Variants in SNX20 observed in about 807,000 individuals in gnomAD.
The protein encoded by SNX20 is sorting nexin 20.
A neutral mutation model predicts 24.5 loss-of-function variants in SNX20; 21 were observed. That is an observed-to-expected ratio of 0.86 (90% CI 0.61 to 1.23). The LOEUF (loss-of-function observed/expected upper bound fraction) is 1.23, where lower values mean the gene tolerates loss of function less well. SNX20 is among the 50% of genes most tolerant of loss of function. SNX20 has a pLI of 0.00. For synonymous variants in SNX20, 206 were observed against 192.8 expected, an observed-to-expected ratio of 1.07 and a Z score of -0.57; for missense variants, 433 against 430.8, an observed-to-expected ratio of 1.00 and a Z score of -0.04.
At position 50,673,294 on chromosome 16, in the gene SNX20, G is replaced by C. The variant is rs1963091658; in HGVS notation, c.*112C>G. On this transcript the variant is annotated 3_prime_UTR_variant, in exon 4 of 4. Coordinates refer to ENST00000330943, the MANE Select transcript of SNX20 (RefSeq NM_182854.4). The surrounding 1 kb of genome is among the most constrained non-coding windows in gnomAD (Gnocchi z 4.1). ...TCAGTCTGGGTGACAGAGCAAGACT[G>C]TCTCAAATAACAAAAAAGAAAAGGA... 2 of 1,389,284 alleles carry C rather than the reference G, an allele frequency of 1.4e-6. No homozygotes were observed. The highest frequency in any genetic ancestry group is 3.5e-5 in the South Asian group (2 of 57,840). The allele number at this position is 1,389,284 out of a possible 1,614,324, so 86.1% of individuals were successfully genotyped here. A position where few individuals can be genotyped will look rare whatever the true frequency, so the allele number is the denominator to read the frequency against.
chr16:50,673,591 G>T lies in SNX20; in HGVS notation c.766C>A (p.Arg256Ser). ...AFAAGERALQ[R>S]LQAREGHRYY... ...CGATGGCCCTCCCGGGCCTGCAGGCGCTGCAGGGCCCTCTCTCCGGCCGCG... is the reference window on the plus strand; with the variant it reads ...CGATGGCCCTCCCGGGCCTGCAGGCTCTGCAGGGCCCTCTCTCCGGCCGCG... The change falls in exon 4 of 4, where the codon CGC becomes AGC. Residue 256 changes from arginine to serine, a missense_variant. Coordinates refer to ENST00000330943, the MANE Select transcript of SNX20 (RefSeq NM_182854.4). The surrounding 1 kb of genome is among the most constrained non-coding windows in gnomAD (Gnocchi z 4.1). The T allele has an allele frequency of 6.3e-7, 1 of 1,589,032 alleles. No homozygotes were observed. The highest frequency in any genetic ancestry group is 2.3e-5 in the East Asian group (1 of 43,434).
downstream of SNX20, chr16:50,668,184 C>T (rs1309867461): frequency 6.6e-7 from 1 of 1,515,610 alleles, no homozygotes; most frequent in Non-Finnish European, 8.8e-7. Flanking sequence ...GGGCAAGACC[C>T]CAGATGGTCT....
chr16:50,668,697 T>A, downstream of SNX20: 1 of 1,065,744 alleles, frequency 9.4e-7, no homozygotes, highest in Non-Finnish European at 1.1e-6. Context: ...AGGAAGCATT[T>A]GGAGACGTGG....
chr16:50,667,791 A>G, downstream of SNX20: 1 of 592,980 alleles, frequency 1.7e-6, no homozygotes, highest in Middle Eastern at 4.5e-4. Flanking sequence ...GAGGGGCCAC[A>G]GTCTGCCCTG....
At chr16:50,674,890 C>CA (rs1567370076) in intron 3 of SNX20, among the ~76,000 whole-genome samples, 1 of 152,178 alleles carries the variant, frequency 6.6e-6, no homozygotes. Flanking sequence ...ATAACCCATG[C>CA]ATCTGACTCC....
chr16:50,679,260 G>A (rs1963246310), intron 1 of SNX20, among the ~76,000 whole-genome samples: 1 of 152,212 alleles, frequency 6.6e-6, no homozygotes, highest in Non-Finnish European at 1.5e-5. Context: ...CACCCCCTGA[G>A]CACAGATGGG....
intron 3 of SNX20, among the ~76,000 whole-genome samples, chr16:50,674,760 C>G (rs372342603): frequency 2.0e-5 from 3 of 152,278 alleles, no homozygotes; most frequent in East Asian, 1.9e-4. Context: ...ATTAGTTTTA[C>G]GTACAATATA....
chr16:50,677,282 C>T, intron 2 of SNX20, 115 bp downstream of exon 2: 1 of 1,363,710 alleles, frequency 7.3e-7, no homozygotes, highest in Non-Finnish European at 9.7e-7. Flanking sequence ...TTTGGGATAA[C>T]CCAAGTTACA....
At chr16:50,679,682 T>C (rs1963255634) in intron 1 of SNX20, among the ~76,000 whole-genome samples, 2 of 152,190 alleles carry the variant, frequency 1.3e-5, no homozygotes. Context: ...AGGCTTCAGT[T>C]TCCCTACCTG....
chr16:50,668,667 G>T (rs112408062), downstream of SNX20: 76 of 1,039,474 alleles, frequency 7.3e-5, no homozygotes, highest in Non-Finnish European at 8.3e-5. Flanking sequence ...GCAGCTAAAT[G>T]CAGTTGCTGC....
rs940726034 is a variant in SNX20 at position 50,673,746 on chromosome 16, G to A, written c.611C>T (p.Ala204Val). ...CAGCACGCGCAGCAGCAGCTCCAGG[G>A]CGCGCGGGTACTGGCCGGCCCGCAG... ...GCLRAGQYPR[A>V]LELLLRVLPL... Residue 204 changes from alanine to valine, a missense_variant, in exon 4 of 4, where the codon GCC becomes GTC. By Grantham distance (64) the Ala-to-Val change is moderately conservative. Transcript: ENST00000330943. The surrounding 1 kb of genome is among the most constrained non-coding windows in gnomAD (Gnocchi z 4.1). 6.6e-7 allele frequency: 1 copy of A among 1,509,464 alleles called. No individual in the cohort carries two copies. The highest frequency in any genetic ancestry group is 8.8e-7 in the Non-Finnish European group (1 of 1,136,070). 93.5% of individuals were successfully genotyped at this position (1,509,464 alleles called of 1,614,324 possible). A position where few individuals can be genotyped will look rare whatever the true frequency, so the allele number is the denominator to read the frequency against.
Position 50,673,885 on chromosome 16 carries a change from G to A in SNX20, c.472C>T (p.Arg158Trp), listed in dbSNP as rs776272427. The A allele has an allele frequency of 2.7e-5, 43 of 1,608,968 alleles. No individual in the cohort carries two copies. In the Middle Eastern group the frequency reaches 2.5e-3, roughly 93 times the overall value. ...CCCAGGTACTCCTGCAGGGCGCGCCGACGCTCACAGATCATCTCCTCAGCG... is the reference window on the plus strand; with the variant it reads ...CCCAGGTACTCCTGCAGGGCGCGCCAACGCTCACAGATCATCTCCTCAGCG... ...NFAEEMICER[R>W]RALQEYLGLL... The change falls in exon 4 of 4, where the codon CGG becomes TGG. Residue 158 changes from arginine to tryptophan, a missense_variant. Coordinates refer to ENST00000330943, the MANE Select transcript of SNX20 (RefSeq NM_182854.4). The surrounding 1 kb of genome is among the most constrained non-coding windows in gnomAD (Gnocchi z 4.1).
At chr16:50,667,355 C>G (rs1029356087), downstream of SNX20, 2 of 153,884 alleles carry the variant, frequency 1.3e-5, no homozygotes, top group African/African-American at 4.8e-5. Context: ...ACCTCTTTGC[C>G]TAAAATTCTC....
chr16:50,680,595 C>T (rs1228317342), intron 1 of SNX20, among the ~76,000 whole-genome samples: 1 of 152,140 alleles, frequency 6.6e-6, no homozygotes, highest in Non-Finnish European at 1.5e-5. Context: ...GGGGATGAGC[C>T]TCTAGGGGGT....
At chr16:50,675,695 GC>G in intron 3 of SNX20, 74 bp downstream of exon 3, 2 of 1,560,114 alleles carry the variant, frequency 1.3e-6, no homozygotes, top group Admixed American at 4.1e-5. Context: ...GAAACCTGAG[GC>G]TCTACAAGAC....
downstream of SNX20, chr16:50,668,172 T>C (rs545063908): frequency 3.8e-4 from 578 of 1,532,086 alleles, 5 homozygotes; most frequent in South Asian, 6.6e-3. Context: ...TCCAGGGTGC[T>C]TGGGCAAGAC....
chr16:50,677,358 G>T, intron 2 of SNX20, 39 bp downstream of exon 2: 1 of 1,529,972 alleles, frequency 6.5e-7, no homozygotes, highest in Non-Finnish European at 8.8e-7. Flanking sequence ...AATGTCTTCA[G>T]ACCTCTCCCC....
At chr16:50,679,361 T>C (rs1048752082) in intron 1 of SNX20, among the ~76,000 whole-genome samples, 6 of 152,166 alleles carry the variant, frequency 3.9e-5, no homozygotes, top group Non-Finnish European at 8.8e-5. Flanking sequence ...GGAGGTCAGC[T>C]GGGGCCTGGA....
downstream of SNX20, chr16:50,668,045 C>T (rs934497840): frequency 1.7e-5 from 26 of 1,551,642 alleles, no homozygotes; most frequent in Middle Eastern, 5.0e-4. Context: ...CCGGAGCCTA[C>T]GGGTTGAAAG....
Sources: gnomAD v4.1 joint callset for allele counts (sites outside exome capture counted in the v4.1 genomes callset) on GRCh38, gnomAD v4.1.1 for gene constraint, Gnocchi (gnomAD v3.1) non-coding constraint, MANE v1.5 for transcripts, NCBI Gene and HGNC (gene_info 2026-07-23, HGNC 2026-07-21) for gene names.